Variants in PDSS2 observed in about 807,000 individuals in gnomAD.
PDSS2 encodes decaprenyl diphosphate synthase subunit 2.
In PDSS2, 31 loss-of-function variants were observed where a neutral mutation model predicts 44.5. The ratio of observed to expected loss-of-function variants is 0.70; its 90% CI spans 0.52 to 0.94. The LOEUF (loss-of-function observed/expected upper bound fraction) is 0.94, where lower values mean the gene tolerates loss of function less well. Among genes scored for constraint, PDSS2 ranks in the 40% least tolerant of loss-of-function variants. The pLI is 0.00. For synonymous variants in PDSS2, 157 were observed against 180.3 expected, an observed-to-expected ratio of 0.87 and a Z score of 1.03; for missense variants, 452 against 482.2, an observed-to-expected ratio of 0.94 and a Z score of 0.59.
intron 2 of PDSS2, among the ~76,000 whole-genome samples, chr6:107,310,735 T>C (rs1159987631): frequency 6.6e-6 from 1 of 152,306 alleles, no homozygotes; most frequent in South Asian, 2.1e-4. Flanking sequence ...TGCAGGACTG[T>C]CAGGTCCATG....
chr6:107,191,297 G>A (rs1366289299), intron 7 of PDSS2, among the ~76,000 whole-genome samples: 1 of 152,202 alleles, frequency 6.6e-6, no homozygotes, highest in Non-Finnish European at 1.5e-5. Flanking sequence ...AGGCAGTGGA[G>A]ACTGAGCAGT....
intron 1 of PDSS2, among the ~76,000 whole-genome samples, chr6:107,382,649 A>T (rs775942654): frequency 9.2e-5 from 14 of 152,082 alleles, no homozygotes; most frequent in Non-Finnish European, 1.6e-4. Flanking sequence ...ACTAGCCTGG[A>T]CAACATAGTG....
chr6:107,299,681 T>C (rs781060255), intron 2 of PDSS2, among the ~76,000 whole-genome samples: 9 of 152,188 alleles, frequency 5.9e-5, no homozygotes, highest in Non-Finnish European at 1.0e-4. Context: ...TAATGCCCCA[T>C]TGTATAGGAG....
intron 1 of PDSS2, among the ~76,000 whole-genome samples, chr6:107,406,181 G>A (rs144039002): frequency 5.9e-5 from 9 of 152,120 alleles, no homozygotes; most frequent in Admixed American, 2.6e-4. Context: ...ATAAGCAATC[G>A]GTCAGGTATC....
chr6:107,325,710 T>C (rs1777524409), intron 2 of PDSS2, among the ~76,000 whole-genome samples: 1 of 152,192 alleles, frequency 6.6e-6, no homozygotes. Flanking sequence ...GTTTCTAAGC[T>C]AACTACCTGT....
intron 3 of PDSS2, among the ~76,000 whole-genome samples, chr6:107,270,269 C>T (rs947844636): frequency 2.0e-5 from 3 of 151,964 alleles, no homozygotes; most frequent in Non-Finnish European, 4.4e-5. Flanking sequence ...CCACCACACT[C>T]GGCTAATGTT....
intron 3 of PDSS2, among the ~76,000 whole-genome samples, chr6:107,256,034 A>G (rs888877881): frequency 1.3e-5 from 2 of 152,032 alleles, no homozygotes; most frequent in Non-Finnish European, 2.9e-5. Flanking sequence ...TCTGTCGCCC[A>G]GGCTGGAGTG....
chr6:107,437,095 C>T (rs1781372254), intron 1 of PDSS2, among the ~76,000 whole-genome samples: 1 of 152,040 alleles, frequency 6.6e-6, no homozygotes, highest in Non-Finnish European at 1.5e-5. Flanking sequence ...CAACTCCTGG[C>T]CTCGAGCCAT....
intron 3 of PDSS2, among the ~76,000 whole-genome samples, chr6:107,257,528 CTCTG>C (rs1444333564): frequency 6.6e-6 from 1 of 152,104 alleles, no homozygotes; most frequent in Non-Finnish European, 1.5e-5. Context: ...CAGAGTGAGA[CTCTG>C]TCTCATTAAA....
intron 1 of PDSS2, among the ~76,000 whole-genome samples, chr6:107,436,203 T>A (rs1781344863): frequency 6.6e-6 from 1 of 152,156 alleles, no homozygotes; most frequent in Admixed American, 6.5e-5. Context: ...CTAATGGGCC[T>A]CTAAGGTGTT....
intron 2 of PDSS2, among the ~76,000 whole-genome samples, chr6:107,317,087 C>A (rs1175029106): frequency 6.6e-6 from 1 of 152,166 alleles, no homozygotes; most frequent in Non-Finnish European, 1.5e-5. Flanking sequence ...TCTCAAGGAA[C>A]AAACCAAGAA....
chr6:107,429,901 A>AAT lies in PDSS2; in HGVS notation c.296+29087_296+29088dup, dbSNP rs869061691. ...CTTAGTCTCAAAAAAAAAAAAAAAA[A>AAT]ATATATATATATATATATATATATA... On this transcript the variant is annotated intron_variant, in intron 1 of 7. Coordinates refer to ENST00000369037, the MANE Select transcript of PDSS2 (RefSeq NM_020381.4). Among the ~76,000 whole-genome samples, 123 of 31,788 alleles carry AAT rather than the reference A, an allele frequency of 3.9e-3. 2 individuals carry two copies. Among genetic ancestry groups the AAT allele is most frequent in the South Asian group, 0.013 (5 of 390 alleles). 20.9% of individuals were successfully genotyped at this position (31,788 alleles called of 152,430 possible). A position where few individuals can be genotyped will look rare whatever the true frequency, so the allele number is the denominator to read the frequency against.
intron 1 of PDSS2, among the ~76,000 whole-genome samples, chr6:107,407,740 C>T (rs1172034854): frequency 2.6e-5 from 4 of 152,132 alleles, no homozygotes; most frequent in Admixed American, 2.6e-4. Flanking sequence ...CGCTCTGTTG[C>T]CCAGGCTGGA....
At chr6:107,289,931 C>T (rs1418135610) in intron 2 of PDSS2, among the ~76,000 whole-genome samples, 2 of 152,148 alleles carry the variant, frequency 1.3e-5, no homozygotes, top group Non-Finnish European at 2.9e-5. Context: ...TAGGTGCACA[C>T]CACTAAGCCT....
At chr6:107,441,765 T>A (rs2114807433) in intron 1 of PDSS2, among the ~76,000 whole-genome samples, 1 of 152,324 alleles carries the variant, frequency 6.6e-6, no homozygotes, top group African/African-American at 2.4e-5. Flanking sequence ...CACTTTTCAA[T>A]TAGGGAAATT....
intron 2 of PDSS2, among the ~76,000 whole-genome samples, chr6:107,282,403 T>A (rs1775991312): frequency 6.6e-6 from 1 of 151,698 alleles, no homozygotes; most frequent in Admixed American, 6.6e-5. Flanking sequence ...GAACAGTTTT[T>A]ATTTTTAGAA....
chr6:107,241,341 CTTCTT>C (rs1462921386), intron 4 of PDSS2, among the ~76,000 whole-genome samples: 5 of 117,782 alleles, frequency 4.2e-5, no homozygotes, highest in East Asian at 5.9e-4. Context: ...ACCTCTTCTT[CTTCTT>C]TTTTTTTTTT....
intron 2 of PDSS2, among the ~76,000 whole-genome samples, chr6:107,288,129 A>G (rs995958319): frequency 6.6e-5 from 10 of 152,170 alleles, no homozygotes; most frequent in Admixed American, 3.9e-4. Flanking sequence ...GATTACAGGC[A>G]TGAGCCACAA....
chr6:107,243,270 A>G (rs1319701000), intron 4 of PDSS2, among the ~76,000 whole-genome samples: 2 of 152,212 alleles, frequency 1.3e-5, no homozygotes, highest in African/African-American at 2.4e-5. Flanking sequence ...CTTTTCCTCT[A>G]TAAATGGGAA....
Sources: gnomAD v4.1 joint callset for allele counts (sites outside exome capture counted in the v4.1 genomes callset) on GRCh38, gnomAD v4.1.1 for gene constraint, MANE v1.5 for transcripts, NCBI Gene and HGNC (gene_info 2026-07-23, HGNC 2026-07-21) for gene names.